LIPA: variants seen among roughly 807,000 people sequenced by gnomAD.
The protein encoded by LIPA is lysosomal acid lipase/cholesteryl ester hydrolase.
LIPA carries 26 observed loss-of-function variants against 40.6 expected under a neutral mutation model. The ratio of observed to expected loss-of-function variants is 0.64; its 90% CI spans 0.47 to 0.89. The LOEUF (loss-of-function observed/expected upper bound fraction) is 0.89. Among genes scored for constraint, LIPA ranks in the 40% least tolerant of loss-of-function variants. The pLI is 0.00. For synonymous variants in LIPA, 188 were observed against 168.4 expected (o/e 1.12, Z -0.90); for missense variants, 455 against 479.6 (o/e 0.95, Z 0.48).
intron 1 of LIPA, among the ~76,000 whole-genome samples, chr10:89,316,391 C>T (rs145391904): frequency 1.4e-4 from 21 of 152,354 alleles, no homozygotes; most frequent in African/African-American, 5.0e-4. Context: ...TTCCAACGGT[C>T]TTAGCAAACA....
intron 1 of LIPA, among the ~76,000 whole-genome samples, chr10:89,322,361 C>T (rs896053556): frequency 6.6e-6 from 1 of 152,082 alleles, no homozygotes; most frequent in Non-Finnish European, 1.5e-5. Flanking sequence ...GTCAGGGATT[C>T]GGGATCCTTC....
At chr10:89,411,079 T>C (rs778314039) in intron 2 of LIPA, among the ~76,000 whole-genome samples, 1 of 152,230 alleles carries the variant, frequency 6.6e-6, no homozygotes, top group Non-Finnish European at 1.5e-5. Flanking sequence ...AACACTCCAA[T>C]ACCACCTTGC....
intron 2 of LIPA, among the ~76,000 whole-genome samples, chr10:89,356,222 G>C (rs957681365): frequency 1.3e-5 from 2 of 152,050 alleles, no homozygotes; most frequent in Non-Finnish European, 2.9e-5. Flanking sequence ...GGGTGAGTAG[G>C]GGGAGGAAGG....
At position 89,285,570 on chromosome 10, in the gene LIPA, T is replaced by A. The variant is rs569721584; in HGVS notation, c.-1-37921A>T. 6.8e-4 allele frequency among the ~76,000 whole-genome samples: 103 copies of A among 152,276 alleles called. 1 individual carries two copies. The highest frequency in any genetic ancestry group is 2.3e-3 in the African/African-American group (97 of 41,560). On this transcript the variant is annotated intron_variant, in intron 1 of 5. Coordinates refer to the LIPA transcript ENST00000282673. Reference sequence around the variant, plus strand: ...TGCCTGCCTTGGTCATTCACCCACATTCCCTTAGTGGCAAGGCAATTGTGG... The same window carrying A: ...TGCCTGCCTTGGTCATTCACCCACAATCCCTTAGTGGCAAGGCAATTGTGG...
At position 89,228,412 on chromosome 10, in the gene LIPA, A is replaced by T; in HGVS notation, c.230-14T>A. The T allele has an allele frequency of 6.2e-7, 1 of 1,611,866 alleles. No homozygotes were observed. The highest frequency in any genetic ancestry group is 1.1e-5 in the South Asian group (1 of 91,048). On this transcript the variant is annotated splice_polypyrimidine_tract_variant and intron_variant, in intron 3 of 9. Coordinates refer to ENST00000336233, the MANE Select transcript of LIPA (RefSeq NM_000235.4). ...CTGGTTTGGGACCTGAAAAACATTC[A>T]TTGTTTAGGAGGCAGTAGCACCAAG... is the stretch of plus-strand genomic sequence containing the variant.
intron 1 of LIPA, chr10:89,327,921 A>G (rs1219746956): frequency 6.1e-6 from 4 of 654,356 alleles, no homozygotes; most frequent in African/African-American, 3.8e-5. Context: ...CAATTACTCA[A>G]AAACGGAGAA....
intron 2 of LIPA, chr10:89,385,010 C>T (rs1844200267): frequency 2.6e-6 from 1 of 391,416 alleles, no homozygotes; most frequent in Non-Finnish European, 4.6e-6. Flanking sequence ...TGGAACATAG[C>T]AAGTAGTAAC....
intron 1 of LIPA, among the ~76,000 whole-genome samples, chr10:89,333,016 G>T (rs1254475444): frequency 6.6e-6 from 1 of 152,230 alleles, no homozygotes; most frequent in Non-Finnish European, 1.5e-5. Flanking sequence ...TGTTGTGACT[G>T]TGGTTATTTT....
intron 2 of LIPA, chr10:89,383,337 G>A (rs144541263): frequency 5.9e-5 from 95 of 1,612,996 alleles, no homozygotes; most frequent in Non-Finnish European, 7.7e-5. Flanking sequence ...CTGATGGAAA[G>A]CTTATTGAAG....
chr10:89,312,552 T>C (rs1430353033), intron 1 of LIPA, among the ~76,000 whole-genome samples: 1 of 152,028 alleles, frequency 6.6e-6, no homozygotes, highest in East Asian at 1.9e-4. Flanking sequence ...TCAATATCCA[T>C]TACCAATAGA....
In LIPA at chr10:89,402,282, A is replaced by C. The variant is rs759099907; in HGVS notation, c.61+10509T>G. 3 of 1,601,418 alleles carry C rather than the reference A, an allele frequency of 1.9e-6. No individual in the cohort carries two copies. Among genetic ancestry groups the C allele is most frequent in the Non-Finnish European group, 2.6e-6 (3 of 1,172,506 alleles). On this transcript the variant is annotated intron_variant, in intron 2 of 8. Coordinates refer to the LIPA transcript ENST00000371837. The stretch of plus-strand genomic sequence containing the variant: ...GAAAATCTGTTTTTGTTTTTACAGT[A>C]CAAATGGTGATGATCATCAGGTCAA...
intron 1 of LIPA, among the ~76,000 whole-genome samples, chr10:89,300,351 C>T (rs1174493674): frequency 1.3e-5 from 2 of 152,054 alleles, no homozygotes; most frequent in Non-Finnish European, 2.9e-5. Flanking sequence ...GTTTGATAGC[C>T]GACTAGGGTG....
intron 1 of LIPA, chr10:89,338,765 G>A (rs1277098885): frequency 7.4e-6 from 12 of 1,614,110 alleles, no homozygotes; most frequent in Non-Finnish European, 9.3e-6. Context: ...CTAGAAGATA[G>A]AGTGTGTAAC....
intron 2 of LIPA, chr10:89,403,676 T>C (rs930690399): frequency 5.0e-6 from 8 of 1,602,592 alleles, no homozygotes; most frequent in Non-Finnish European, 6.8e-6. Flanking sequence ...TGAGACTGGC[T>C]GCTGACTTTG....
At chr10:89,411,105 G>A (rs1440076436) in intron 2 of LIPA, among the ~76,000 whole-genome samples, 1 of 152,192 alleles carries the variant, frequency 6.6e-6, no homozygotes. Context: ...GTGTAAACAA[G>A]GGCGTAGCCT....
intron 1 of LIPA, among the ~76,000 whole-genome samples, chr10:89,413,344 G>C (rs542987272): frequency 4.6e-5 from 7 of 152,136 alleles, no homozygotes; most frequent in Non-Finnish European, 8.8e-5. Context: ...TGTTAGAAGT[G>C]ATTGCTTTAA....
intron 3 of LIPA, among the ~76,000 whole-genome samples, chr10:89,230,040 T>G (rs1200964585): frequency 1.3e-5 from 2 of 152,176 alleles, no homozygotes; most frequent in African/African-American, 4.8e-5. Flanking sequence ...TGTGTCTGCC[T>G]GTGAGAATTT....
intron 1 of LIPA, among the ~76,000 whole-genome samples, chr10:89,290,882 C>A (rs142203009): frequency 1.3e-5 from 2 of 152,174 alleles, no homozygotes; most frequent in African/African-American, 4.8e-5. Flanking sequence ...GGTCTCTTCA[C>A]GTGGAAAAGA....
intron 1 of LIPA, among the ~76,000 whole-genome samples, chr10:89,250,484 T>C (rs1297299454): frequency 6.6e-6 from 1 of 152,196 alleles, no homozygotes; most frequent in African/African-American, 2.4e-5. Context: ...TACAACTTTG[T>C]ACTTCTTCAT....
Sources: gnomAD v4.1 joint callset for allele counts (sites outside exome capture counted in the v4.1 genomes callset) on GRCh38, gnomAD v4.1.1 for gene constraint, MANE v1.5 for transcripts, NCBI Gene and HGNC (gene_info 2026-07-23, HGNC 2026-07-21) for gene names.